NPAS3: variants seen among roughly 807,000 people sequenced by gnomAD.
NPAS3 encodes the protein neuronal PAS domain protein 3, also known as neuronal PAS domain-containing protein 3.
In NPAS3, 14 loss-of-function variants were observed where a neutral mutation model predicts 73.1. The observed-to-expected ratio is 0.19, with a 90% CI of 0.13 to 0.30. NPAS3 has a LOEUF of 0.30. NPAS3 is among the 10% of genes least tolerant of loss of function. The pLI, the probability that NPAS3 is intolerant of heterozygous loss-of-function variation, is 1.00. For missense variants in NPAS3, 1,096 were observed against 1,250.0 expected (o/e 0.88, Z 1.86); for synonymous variants, 620 against 541.5 (o/e 1.14, Z -2.01).
At chr14:33,628,567 C>A (rs1288274637) in intron 5 of NPAS3, among the ~76,000 whole-genome samples, 1 of 152,200 alleles carries the variant, frequency 6.6e-6, no homozygotes, top group East Asian at 1.9e-4. Flanking sequence ...ATGCTCCGTC[C>A]ATTAGTTGCA....
At chr14:33,168,260 T>C (rs2045243637) in intron 2 of NPAS3, among the ~76,000 whole-genome samples, 1 of 152,136 alleles carries the variant, frequency 6.6e-6, no homozygotes. Context: ...CAGTTCTCTT[T>C]AGTATAGTTT....
chr14:33,201,578 A>G (rs2046618268), intron 2 of NPAS3, among the ~76,000 whole-genome samples: 1 of 152,258 alleles, frequency 6.6e-6, no homozygotes, highest in Non-Finnish European at 1.5e-5. Context: ...GGTATATTTA[A>G]GAAAGGGCTC....
chr14:33,486,959 A>G (rs2051634527), intron 4 of NPAS3, among the ~76,000 whole-genome samples: 1 of 152,180 alleles, frequency 6.6e-6, no homozygotes, highest in African/African-American at 2.4e-5. Context: ...TTATGCTCTC[A>G]GAAGAATCAG....
chr14:33,063,733 G>A (rs148795128), intron 2 of NPAS3, among the ~76,000 whole-genome samples: 3 of 152,108 alleles, frequency 2.0e-5, no homozygotes, highest in Non-Finnish European at 4.4e-5. Flanking sequence ...GCTGACCTCC[G>A]CATTAGACCT....
At chr14:33,761,723 T>C (rs1056186851) in intron 7 of NPAS3, among the ~76,000 whole-genome samples, 2 of 152,140 alleles carry the variant, frequency 1.3e-5, no homozygotes, top group Admixed American at 1.3e-4. Context: ...GAAGATGACT[T>C]GAGGAAGGAA....
chr14:33,483,901 T>G (rs919288897), intron 4 of NPAS3, among the ~76,000 whole-genome samples: 2 of 152,188 alleles, frequency 1.3e-5, no homozygotes, highest in Non-Finnish European at 2.9e-5. Context: ...TAAAACAGCC[T>G]TTTAGAAAGG....
intron 3 of NPAS3, among the ~76,000 whole-genome samples, chr14:33,258,528 G>C (rs1201776940): frequency 6.6e-6 from 1 of 152,186 alleles, no homozygotes; most frequent in Non-Finnish European, 1.5e-5. Context: ...AATGAGTAAA[G>C]CTAATGTAGG....
chr14:33,026,270 C>T (rs2039798521), intron 1 of NPAS3, among the ~76,000 whole-genome samples: 1 of 152,220 alleles, frequency 6.6e-6, no homozygotes, highest in African/African-American at 2.4e-5. Flanking sequence ...TGGGACATCT[C>T]AGATACCTCA....
At chr14:33,500,225 G>T (rs561059170) in intron 4 of NPAS3, among the ~76,000 whole-genome samples, 1 of 151,970 alleles carries the variant, frequency 6.6e-6, no homozygotes, top group South Asian at 2.1e-4. Flanking sequence ...GTAAAGGGAG[G>T]TTTATTTTTT....
At chr14:33,031,733 C>T (rs1294980658) in intron 1 of NPAS3, among the ~76,000 whole-genome samples, 1 of 152,208 alleles carries the variant, frequency 6.6e-6, no homozygotes, top group Non-Finnish European at 1.5e-5. Context: ...CCGAAGTTCC[C>T]AAAGTTAATC....
intron 4 of NPAS3, among the ~76,000 whole-genome samples, chr14:33,438,063 G>A (rs7159095): frequency 0.18 from 28,007 of 152,092 alleles, 3,013 homozygotes; most frequent in East Asian, 0.5. Context: ...TATCGCGTTT[G>A]GAAAATAATA....
rs571439161 is a variant in NPAS3, at chr14:33,246,839, CAAAAAAAAAAAA to C, written c.385+31430_385+31441del. Among the ~76,000 whole-genome samples the C allele has an allele frequency of 2.8e-3, 174 of 61,970 alleles. 1 individual carries two copies. The highest frequency in any genetic ancestry group is 5.5e-3 in the Admixed American group (28 of 5,124). The allele number at this position is 61,970 out of a possible 152,430, so 40.7% of individuals were successfully genotyped here. ...TGAAACCTCATCTCTATTAAAAATA[CAAAAAAAAAAAA>C]AAAAAAAAAAAAAAAAGCTGGGCAT... On this transcript the variant is annotated intron_variant, in intron 3 of 11. Coordinates refer to ENST00000356141, the Ensembl canonical transcript of NPAS3.
chr14:33,480,927 T>C (rs754470840), intron 4 of NPAS3, among the ~76,000 whole-genome samples: 8 of 151,886 alleles, frequency 5.3e-5, no homozygotes, highest in Non-Finnish European at 7.4e-5. Context: ...GCATTTTTCT[T>C]TGGGGGAGAA....
intron 1 of NPAS3, among the ~76,000 whole-genome samples, chr14:32,947,645 ATGTT>A (rs1298418197): frequency 6.6e-6 from 1 of 152,086 alleles, no homozygotes; most frequent in Non-Finnish European, 1.5e-5. Flanking sequence ...GAGATATACC[ATGTT>A]TGTGTATGTC....
chr14:33,244,506 T>C (rs929384909), intron 3 of NPAS3, among the ~76,000 whole-genome samples: 3 of 125,464 alleles, frequency 2.4e-5, no homozygotes, highest in Non-Finnish European at 5.3e-5. Context: ...ATGGATGTAA[T>C]GTAAGTTAAA....
intron 3 of NPAS3, among the ~76,000 whole-genome samples, chr14:33,259,465 G>C (rs776676987): frequency 1.1e-4 from 16 of 152,072 alleles, no homozygotes; most frequent in Admixed American, 5.2e-4. Flanking sequence ...TTTTCTAAGT[G>C]CTTCTTTTTT....
At chr14:33,592,166 G>T (rs1843779780) in intron 5 of NPAS3, among the ~76,000 whole-genome samples, 3 of 152,162 alleles carry the variant, frequency 2.0e-5, no homozygotes, top group African/African-American at 7.2e-5. Flanking sequence ...CTTGGACTGG[G>T]TGGCTCAGAC....
chr14:33,222,582 A>G (rs1212370896), intron 3 of NPAS3, among the ~76,000 whole-genome samples: 2 of 152,198 alleles, frequency 1.3e-5, no homozygotes, highest in East Asian at 3.9e-4. Context: ...CAACTTAAAT[A>G]GCAATTTGTT....
At chr14:33,257,800 T>G (rs970626202) in intron 3 of NPAS3, among the ~76,000 whole-genome samples, 1 of 152,220 alleles carries the variant, frequency 6.6e-6, no homozygotes, top group African/African-American at 2.4e-5. Context: ...CCTTTTTGTC[T>G]TTTAATGTGT....
Sources: allele counts gnomAD v4.1 joint callset (sites outside exome capture counted in the v4.1 genomes callset), GRCh38; gene constraint gnomAD v4.1.1; transcripts MANE v1.5; gene names NCBI Gene and HGNC (gene_info 2026-07-23, HGNC 2026-07-21).